The following ZNF169 variants were observed in gnomAD, a reference collection of about 807,000 sequenced individuals.
ZNF169 encodes zinc finger protein 169.
Under a neutral mutation model 12.0 loss-of-function variants are expected in ZNF169, and 11 were observed. The ratio of observed to expected loss-of-function variants is 0.92; its 90% confidence interval spans 0.58 to 1.52. ZNF169 has a LOEUF of 1.52. Among genes scored for constraint, ZNF169 ranks in the 40% most tolerant of loss-of-function variants. ZNF169 has a pLI of 0.00. For synonymous variants in ZNF169, 302 were observed against 286.5 expected (o/e 1.05, Z -0.55); for missense variants, 722 against 744.0 (o/e 0.97, Z 0.34).
At chr9:94,275,180 T>C (rs1830498576) in intron 1 of ZNF169, among the ~76,000 whole-genome samples, 1 of 152,176 alleles carries the variant, frequency 6.6e-6, no homozygotes, top group South Asian at 2.1e-4. Context: ...GGGGCTGCAG[T>C]GAGCTATGAT....
intron 4 of ZNF169, among the ~76,000 whole-genome samples, chr9:94,297,117 T>G (rs191724613): frequency 1.3e-5 from 2 of 150,464 alleles, no homozygotes; most frequent in Admixed American, 6.6e-5. Context: ...CGTTATTCTT[T>G]GTTTTTTCAT....
At chr9:94,292,642 C>A in intron 3 of ZNF169, 175 bp downstream of exon 3, 2 of 453,750 alleles carry the variant, frequency 4.4e-6, no homozygotes, top group Non-Finnish European at 6.7e-6. Context: ...TGTGTGTGTG[C>A]GCGTGCACAT....
At chr9:94,283,179 G>A (rs978574560) in intron 2 of ZNF169, among the ~76,000 whole-genome samples, 2 of 152,176 alleles carry the variant, frequency 1.3e-5, no homozygotes, top group African/African-American at 2.4e-5. Context: ...GGGAGGCTGA[G>A]GCGGGCGGAT....
intron 4 of ZNF169, among the ~76,000 whole-genome samples, chr9:94,297,742 G>C (rs147392273): frequency 6.6e-6 from 1 of 152,248 alleles, no homozygotes; most frequent in East Asian, 1.9e-4. Context: ...TTGAACCAAG[G>C]GTCTTCTGTT....
At chr9:94,289,940 C>A (rs996258768) in intron 2 of ZNF169, among the ~76,000 whole-genome samples, 1 of 152,268 alleles carries the variant, frequency 6.6e-6, no homozygotes, top group Admixed American at 6.5e-5. Flanking sequence ...ACTTAAATGG[C>A]AGACATTCCA....
intron 1 of ZNF169, among the ~76,000 whole-genome samples, chr9:94,265,599 A>T (rs1408480426): frequency 6.6e-6 from 1 of 151,752 alleles, no homozygotes; most frequent in Non-Finnish European, 1.5e-5. Context: ...AAAAAATTAC[A>T]AAGTTTTCCA....
chr9:94,274,131 C>A (rs546535075), intron 1 of ZNF169, among the ~76,000 whole-genome samples: 41 of 152,222 alleles, frequency 2.7e-4, no homozygotes, highest in African/African-American at 8.9e-4. Context: ...GTTTTTATGT[C>A]CAAATTTTCT....
At position 94,301,196 on chromosome 9, in the gene ZNF169, A is replaced by G. The variant is rs1368855228; in HGVS notation, c.1638A>G (p.Glu546=). ...GAGAGAAGCCCTGCATTTGCGATGA[A>G]TGTGGGCGCGGCTTTGGCTTTAAGT... ...HSGEKPCICD[E]CGRGFGFKSA... The change falls in exon 5 of 5, where the codon GAA becomes GAG. Residue 546 remains glutamate, a synonymous_variant. Coordinates refer to ENST00000395395, the MANE Select transcript of ZNF169 (RefSeq NM_194320.4). 3.1e-6 allele frequency: 5 copies of G among 1,613,204 alleles called. No homozygotes were observed. The highest frequency in any genetic ancestry group is 3.3e-5 in the Admixed American group (2 of 59,952).
intron 4 of ZNF169, chr9:94,295,651 A>G (rs888948796): frequency 6.6e-6 from 1 of 152,240 alleles, no homozygotes; most frequent in Non-Finnish European, 1.5e-5. Flanking sequence ...TAACTGGATT[A>G]TACAGGATAC....
chr9:94,259,814 G>T (rs990166324), intron 1 of ZNF169, among the ~76,000 whole-genome samples: 5 of 152,216 alleles, frequency 3.3e-5, no homozygotes, highest in African/African-American at 1.2e-4. Flanking sequence ...GATATCCTCG[G>T]TTGGAGCAAA....
At chr9:94,261,413 C>T (rs926234756) in intron 1 of ZNF169, among the ~76,000 whole-genome samples, 1 of 152,208 alleles carries the variant, frequency 6.6e-6, no homozygotes, top group Non-Finnish European at 1.5e-5. Flanking sequence ...GCTGGGATTA[C>T]AAGCGTGAGC....
chr9:94,293,342 G>A, intron 4 of ZNF169: 1 of 590,462 alleles, frequency 1.7e-6, no homozygotes, highest in Non-Finnish European at 3.0e-6. Flanking sequence ...TCCATTCTTG[G>A]GCTCATGTGG....
intron 1 of ZNF169, among the ~76,000 whole-genome samples, chr9:94,262,412 C>T (rs12336524): frequency 0.1 from 15,928 of 152,104 alleles, 2,543 homozygotes; most frequent in African/African-American, 0.35. Context: ...GATCTACTGC[C>T]GGGTTCTGAC....
chr9:94,277,886 T>G lies in ZNF169; in HGVS notation c.-55-872T>G, dbSNP rs939549776. Among the ~76,000 whole-genome samples, 8 of 149,860 alleles carry G rather than the reference T, an allele frequency of 5.3e-5. No individual in the cohort carries two copies. In the South Asian group the frequency reaches 1.7e-3, roughly 32 times the overall value. On this transcript the variant is annotated intron_variant, in intron 1 of 4. Coordinates refer to ENST00000395395, the MANE Select transcript of ZNF169 (RefSeq NM_194320.4). ...GGCGGAGCTTGCAGTGAGCCGAGATTGCGCCACTGCACTCCCGCCTGGGCC... is the reference window on the plus strand; with the variant it reads ...GGCGGAGCTTGCAGTGAGCCGAGATGGCGCCACTGCACTCCCGCCTGGGCC...
chr9:94,278,910 G>T (rs1180815804), intron 2 of ZNF169, 65 bp downstream of exon 2: 6 of 1,568,760 alleles, frequency 3.8e-6, no homozygotes, highest in African/African-American at 1.4e-5. Context: ...TGTCCTGAAG[G>T]CTGCCTTCTT....
chr9:94,270,963 TATATTATATATTATATAAATATACAAATA>T, intron 1 of ZNF169, among the ~76,000 whole-genome samples: 1 of 10,404 alleles, frequency 9.6e-5, no homozygotes. Context: ...ATATAAATAA[TATATTATATATTATATAAATATACAAATA>T]ATATATTATA....
intron 1 of ZNF169, among the ~76,000 whole-genome samples, chr9:94,266,423 A>G (rs575153923): frequency 5.3e-5 from 8 of 152,300 alleles, no homozygotes; most frequent in African/African-American, 1.7e-4. Context: ...CGCTGGAGTG[A>G]AAGAGTTCAA....
intron 2 of ZNF169, chr9:94,288,543 A>C (rs1389038105): frequency 3.0e-5 from 16 of 527,108 alleles, no homozygotes; most frequent in Non-Finnish European, 5.1e-5. Context: ...TGTGAGTAGC[A>C]CAGCCATCTT....
intron 1 of ZNF169, among the ~76,000 whole-genome samples, chr9:94,264,883 C>T (rs1415737151): frequency 1.3e-5 from 2 of 151,822 alleles, no homozygotes; most frequent in Non-Finnish European, 2.9e-5. Flanking sequence ...ATTCTACTAC[C>T]TTTTGTTTAT....
Sources: allele counts gnomAD v4.1 joint callset (sites outside exome capture counted in the v4.1 genomes callset), GRCh38; gene constraint gnomAD v4.1.1; transcripts MANE v1.5; gene names NCBI Gene and HGNC (gene_info 2026-07-23, HGNC 2026-07-21).